The following CCDC178 variants were observed in gnomAD, a reference collection of about 807,000 sequenced individuals.
The protein encoded by CCDC178 is coiled-coil domain-containing protein 178.
Under a neutral mutation model 117.4 loss-of-function variants are expected in CCDC178, and 126 were observed. That is an observed-to-expected ratio of 1.07 (90% CI 0.93 to 1.24). The LOEUF is 1.24. Among genes scored for constraint, CCDC178 ranks in the 50% most tolerant of loss-of-function variants. The pLI, the probability that CCDC178 is intolerant of heterozygous loss-of-function variation, is 0.00. For missense variants in CCDC178, 1,030 were observed against 986.9 expected, an observed-to-expected ratio of 1.04 and a Z score of -0.59; for synonymous variants, 283 against 313.4, an observed-to-expected ratio of 0.90 and a Z score of 1.02.
At chr18:33,008,001 T>C (rs1598781482) in intron 21 of CCDC178, among the ~76,000 whole-genome samples, 2 of 152,292 alleles carry the variant, frequency 1.3e-5, no homozygotes, top group South Asian at 4.1e-4. Flanking sequence ...TCTCATTTCT[T>C]GTAATTATGT....
At position 33,086,668 on chromosome 18, in the gene CCDC178, T is replaced by G. The variant is rs372428048; in HGVS notation, c.2388+6093A>C. Among the ~76,000 whole-genome samples, 15 of 152,150 alleles carry G rather than the reference T, an allele frequency of 9.9e-5. No individual in the cohort carries two copies. In the East Asian group the frequency reaches 2.5e-3, roughly 25 times the overall value. On this transcript the variant is annotated intron_variant, in intron 21 of 22. Transcript: ENST00000383096. ...AGTTTAAATCTCTAAGAAGGGGATATAGTACACAGTGTGTCATGTTATATA... is the reference window on the plus strand; with the variant it reads ...AGTTTAAATCTCTAAGAAGGGGATAGAGTACACAGTGTGTCATGTTATATA...
At chr18:32,954,128 A>C (rs1340900600) in intron 22 of CCDC178, 5 of 152,192 alleles carry the variant, frequency 3.3e-5, no homozygotes, top group African/African-American at 1.2e-4. Flanking sequence ...GAATAAATGA[A>C]ATCTGATATT....
At chr18:33,319,737 G>T (rs1274281693) in intron 11 of CCDC178, among the ~76,000 whole-genome samples, 1 of 152,146 alleles carries the variant, frequency 6.6e-6, no homozygotes, top group Non-Finnish European at 1.5e-5. Context: ...CATTCTAACT[G>T]GTGTGAGATG....
intron 21 of CCDC178, among the ~76,000 whole-genome samples, chr18:33,090,432 G>A (rs1044500585): frequency 7.9e-5 from 12 of 152,232 alleles, no homozygotes; most frequent in African/African-American, 2.9e-4. Flanking sequence ...TTCAACAAGG[G>A]AATCAGAGAC....
intron 21 of CCDC178, among the ~76,000 whole-genome samples, chr18:33,092,401 T>C (rs573236132): frequency 3.9e-5 from 6 of 152,196 alleles, no homozygotes; most frequent in African/African-American, 9.6e-5. Context: ...GGAGCCTCTA[T>C]ACTAAAAGGA....
At chr18:33,200,628 G>A (rs1347794484) in intron 20 of CCDC178, among the ~76,000 whole-genome samples, 1 of 152,068 alleles carries the variant, frequency 6.6e-6, no homozygotes, top group African/African-American at 2.4e-5. Context: ...TCCTCCTAAT[G>A]TTTTCACTAC....
At chr18:33,209,428 C>A (rs1330573117) in intron 20 of CCDC178, among the ~76,000 whole-genome samples, 2 of 151,994 alleles carry the variant, frequency 1.3e-5, no homozygotes, top group East Asian at 3.9e-4. Context: ...ACCATCCCTA[C>A]AGATGATCCA....
At chr18:32,986,413 T>C (rs2055264641) in intron 21 of CCDC178, among the ~76,000 whole-genome samples, 1 of 152,040 alleles carries the variant, frequency 6.6e-6, no homozygotes. Context: ...AAAAAAGCAA[T>C]CTTAAACTGG....
At chr18:33,220,913 T>C (rs2059224988) in intron 18 of CCDC178, among the ~76,000 whole-genome samples, 2 of 152,190 alleles carry the variant, frequency 1.3e-5, no homozygotes, top group Middle Eastern at 3.4e-3. Context: ...GTGCGAGAAG[T>C]GCCACTACCA....
rs138286080 is a variant in CCDC178, at chr18:33,040,718, A to G, written c.2388+52043T>C. Among the ~76,000 whole-genome samples, 531 of 152,082 alleles carry G rather than the reference A, an allele frequency of 3.5e-3. 2 individuals carry two copies. The highest frequency in any genetic ancestry group is 6.8e-3 in the Middle Eastern group (2 of 294). ...AGCAACTTTTAAAATGAACTCAAGG[A>G]AAAAAAGTATGAGTTGAGGAGTTAT... On this transcript the variant is annotated intron_variant, in intron 21 of 22. Transcript: ENST00000383096.
chr18:33,286,154 T>C (rs1392432214), intron 12 of CCDC178, among the ~76,000 whole-genome samples: 2 of 150,054 alleles, frequency 1.3e-5, no homozygotes, highest in Non-Finnish European at 1.5e-5. Context: ...TTGTATATTT[T>C]AGTAGGGATG....
intron 11 of CCDC178, among the ~76,000 whole-genome samples, chr18:33,321,995 A>G (rs888832683): frequency 6.6e-6 from 1 of 151,968 alleles, no homozygotes; most frequent in Non-Finnish European, 1.5e-5. Context: ...GCCTTAATTG[A>G]GTTTAAGCAA....
chr18:33,396,973 C>T (rs910791035), intron 4 of CCDC178, among the ~76,000 whole-genome samples, 176 bp downstream of exon 4: 1 of 152,070 alleles, frequency 6.6e-6, no homozygotes, highest in African/African-American at 2.4e-5. Flanking sequence ...ATAACATACA[C>T]TAGCAATAGA....
chr18:33,306,566 TATATA>T (rs1409375752), intron 11 of CCDC178, among the ~76,000 whole-genome samples: 4 of 145,538 alleles, frequency 2.7e-5, no homozygotes, highest in African/African-American at 7.5e-5. Context: ...TATATGGTTA[TATATA>T]ATATATGGTT....
intron 20 of CCDC178, among the ~76,000 whole-genome samples, chr18:33,142,335 G>A (rs936666269): frequency 2.6e-5 from 4 of 152,166 alleles, no homozygotes; most frequent in African/African-American, 9.7e-5. Context: ...CTGCAACATG[G>A]AAAGCCCCTC....
At chr18:33,000,919 G>A (rs1184694130) in intron 21 of CCDC178, among the ~76,000 whole-genome samples, 1 of 152,118 alleles carries the variant, frequency 6.6e-6, no homozygotes, top group Non-Finnish European at 1.5e-5. Flanking sequence ...GACAAACACA[G>A]AATATTATGG....
intron 21 of CCDC178, among the ~76,000 whole-genome samples, chr18:33,083,019 T>C (rs2057322002): frequency 6.6e-6 from 1 of 152,200 alleles, no homozygotes; most frequent in Non-Finnish European, 1.5e-5. Context: ...CTGTGAAGTA[T>C]GCTATGTAAT....
chr18:32,970,956 A>G (rs2054910951), intron 22 of CCDC178, among the ~76,000 whole-genome samples: 1 of 152,040 alleles, frequency 6.6e-6, no homozygotes, highest in Non-Finnish European at 1.5e-5. Flanking sequence ...TTGTAGAGGA[A>G]GTGATTGAAT....
In CCDC178 at chr18:33,004,531, T is replaced by TGG. The variant is rs2055710339; in HGVS notation, c.2389-29852_2389-29851dup. On this transcript the variant is annotated intron_variant, in intron 21 of 22. Transcript: ENST00000383096. ...ATCCATGACCTCAAACTATGAAACC[T>TGG]GGGGAAATGCTACAGGACACTGGAC... Among the ~76,000 whole-genome samples, 3 of 151,802 alleles carry TGG rather than the reference T, an allele frequency of 2.0e-5. No individual in the cohort carries two copies. The South Asian group carries it at 6.2e-4, about 31-fold the overall frequency.
Sources: allele counts gnomAD v4.1 joint callset (sites outside exome capture counted in the v4.1 genomes callset), GRCh38; gene constraint gnomAD v4.1.1; transcripts MANE v1.5; gene names NCBI Gene and HGNC (gene_info 2026-07-23, HGNC 2026-07-21).